The following CACNA1C variants were observed in gnomAD, a reference collection of about 807,000 sequenced individuals.
CACNA1C encodes calcium voltage-gated channel subunit alpha1 C.
Under a neutral mutation model 229.0 loss-of-function variants are expected in CACNA1C, and 30 were observed. The observed-to-expected ratio is 0.13, with a 90% CI of 0.10 to 0.18. The LOEUF (loss-of-function observed/expected upper bound fraction) is 0.18, where lower values mean the gene tolerates loss of function less well. CACNA1C is among the 10% of genes least tolerant of loss of function. The pLI is 1.00. For missense variants in CACNA1C, 1,658 were observed against 2,845.0 expected, an observed-to-expected ratio of 0.58 and a Z score of 9.49; for synonymous variants, 1,114 against 1,132.5, an observed-to-expected ratio of 0.98 and a Z score of 0.33.
At chr12:2,465,184 A>T (rs2099542489) in intron 5 of CACNA1C, among the ~76,000 whole-genome samples, 1 of 152,234 alleles carries the variant, frequency 6.6e-6, no homozygotes, top group Admixed American at 6.5e-5. Flanking sequence ...ATATTATATT[A>T]CATATGTAGA....
At chr12:2,680,422 G>A in intron 42 of CACNA1C, 23 of 1,561,438 alleles carry the variant, frequency 1.5e-5, no homozygotes, top group Non-Finnish European at 2.0e-5. Flanking sequence ...GGCCCCCGCA[G>A]GGCTCCTCCC....
chr12:2,603,231 ACC>A (rs2073656531), intron 22 of CACNA1C: 1 of 152,134 alleles, frequency 6.6e-6, no homozygotes, highest in Non-Finnish European at 1.5e-5. Context: ...TTCCCATCTG[ACC>A]TTTAAATCCC....
intron 7 of CACNA1C, among the ~76,000 whole-genome samples, chr12:2,495,175 A>T (rs1054663984): frequency 2.6e-5 from 4 of 152,266 alleles, no homozygotes; most frequent in Non-Finnish European, 4.4e-5. Context: ...GTAAGACAGA[A>T]GGAATTGAAC....
chr12:2,454,275 C>T (rs1157201187), intron 4 of CACNA1C, among the ~76,000 whole-genome samples: 1 of 152,192 alleles, frequency 6.6e-6, no homozygotes, highest in East Asian at 1.9e-4. Flanking sequence ...TCTGGGGAAC[C>T]TATCTCAGTA....
chr12:2,072,929 G>A (rs1255653480), intron 1 of CACNA1C, among the ~76,000 whole-genome samples: 1 of 152,154 alleles, frequency 6.6e-6, no homozygotes, highest in African/African-American at 2.4e-5. Context: ...TGACAGCCAT[G>A]TATTAAGTGT....
At position 2,654,007 on chromosome 12, in the gene CACNA1C, C is replaced by G. The variant is rs2095271494; in HGVS notation, c.4140+107C>G. On this transcript the variant is annotated intron_variant, in intron 33 of 46. Coordinates refer to ENST00000399655, the MANE Select transcript of CACNA1C (RefSeq NM_000719.7). This position sits in a 1 kb window ranked among gnomAD's most constrained non-coding sequence, Gnocchi z 4.4. ...CCTCCCTCCCTTCTCCCTTTCATTC[C>G]TGACTGTCCCTCTCCCTCCTCTTCC... 1 of 870,078 alleles carries G rather than the reference C, an allele frequency of 1.1e-6. No homozygotes were observed. The highest frequency in any genetic ancestry group is 1.8e-6 in the Non-Finnish European group (1 of 544,784). The allele number at this position is 870,078 out of a possible 1,614,324, so 53.9% of individuals were successfully genotyped here.
intron 3 of CACNA1C, among the ~76,000 whole-genome samples, chr12:2,308,023 G>C (rs2095181923): frequency 6.6e-6 from 1 of 152,206 alleles, no homozygotes. Context: ...CTCCACCCAT[G>C]TGGTTTTGAT....
At chr12:2,452,351 A>G (rs1274109449) in intron 4 of CACNA1C, among the ~76,000 whole-genome samples, 2 of 152,140 alleles carry the variant, frequency 1.3e-5, no homozygotes, top group Non-Finnish European at 2.9e-5. Flanking sequence ...GGACCGTGGA[A>G]TCCTCAGTGG....
chr12:2,124,514 G>T (rs1246881230), intron 3 of CACNA1C, among the ~76,000 whole-genome samples: 4 of 152,228 alleles, frequency 2.6e-5, no homozygotes. Context: ...CAAACTGTTG[G>T]ACTTAACTGC....
rs1230613211 is a variant in CACNA1C, at chr12:2,054,248, C to T, written c.49+637C>T. 2.0e-5 allele frequency among the ~76,000 whole-genome samples: 3 copies of T among 152,134 alleles called. No individual in the cohort carries two copies. The highest frequency in any genetic ancestry group is 1.9e-4 in the East Asian group (1 of 5,178). ...AGGTCCCCTTCTTCCTCTCTCCCTC[C>T]CTCCTCCGCCGCTCACCTACACCCA... On this transcript the variant is annotated intron_variant, in intron 1 of 46. Transcript: ENST00000399655. This position sits in a 1 kb window ranked among gnomAD's most constrained non-coding sequence, Gnocchi z 5.5.
chr12:2,641,507 C>T, intron 30 of CACNA1C: 1 of 579,722 alleles, frequency 1.7e-6, no homozygotes, highest in Non-Finnish European at 3.1e-6. Context: ...CATCTCCCTC[C>T]AGCCCCCCTT....
rs147456842 is a variant in CACNA1C at position 2,261,237 on chromosome 12, A to C, written c.477+140807A>C. Among the ~76,000 whole-genome samples the C allele has an allele frequency of 5.5e-3, 838 of 152,284 alleles. 6 individuals carry two copies. The highest frequency in any genetic ancestry group is 0.018 in the African/African-American group (754 of 41,562). ...ACAGAGCGAGACTCCGTCTCAAAAA[A>C]AAAAACAAAAACAAAAACAAAAAAA... On this transcript the variant is annotated intron_variant, in intron 3 of 46. Coordinates refer to ENST00000399655, the MANE Select transcript of CACNA1C (RefSeq NM_000719.7).
chr12:2,144,658 A>G lies in CACNA1C; in HGVS notation c.477+24228A>G, dbSNP rs955799854. Among the ~76,000 whole-genome samples, 9 of 151,382 alleles carry G rather than the reference A, an allele frequency of 5.9e-5. No individual in the cohort carries two copies. In the East Asian group the frequency reaches 1.5e-3, roughly 26 times the overall value. ...AGTTAATATTTTACGCGTGCTACTG[A>G]AAAAACAAAACCCAAACTAATGATC... is the stretch of plus-strand genomic sequence containing the variant. On this transcript the variant is annotated intron_variant, in intron 3 of 46. Coordinates refer to ENST00000399655, the MANE Select transcript of CACNA1C (RefSeq NM_000719.7).
chr12:2,374,149 C>T (rs149119841), intron 3 of CACNA1C, among the ~76,000 whole-genome samples: 13 of 152,336 alleles, frequency 8.5e-5, no homozygotes, highest in Admixed American at 5.9e-4. Context: ...CCCACGTGCA[C>T]GTTTACTTAC....
At chr12:2,553,316 C>T (rs1486167068) in intron 10 of CACNA1C, among the ~76,000 whole-genome samples, 2 of 152,204 alleles carry the variant, frequency 1.3e-5, no homozygotes, top group Admixed American at 6.5e-5. Context: ...AACCGTAGGT[C>T]CATGTGGTAT....
rs1395549056 is a variant in CACNA1C at position 2,575,339 on chromosome 12, T to C, written c.1896-6251T>C. ...AGACCAAAATACTCTAGAATTCTGC[T>C]TGACTCCTCCTGGCCCAGCCCAGCA... On this transcript the variant is annotated intron_variant, in intron 13 of 46. Coordinates refer to ENST00000399655, the MANE Select transcript of CACNA1C (RefSeq NM_000719.7). The surrounding 1 kb of genome is among the most constrained non-coding windows in gnomAD (Gnocchi z 4.0). Among the ~76,000 whole-genome samples, 1 of 152,188 alleles carries C rather than the reference T, an allele frequency of 6.6e-6. No homozygotes were observed. Among genetic ancestry groups the C allele is most frequent in the Non-Finnish European group, 1.5e-5 (1 of 68,026 alleles).
At chr12:2,031,964 T>C (rs549078008) in intron 1 of CACNA1C, among the ~76,000 whole-genome samples, 4 of 147,298 alleles carry the variant, frequency 2.7e-5, no homozygotes, top group African/African-American at 1.0e-4. Flanking sequence ...TGTGTTGCTC[T>C]TTCTGTGTGA....
intron 3 of CACNA1C, among the ~76,000 whole-genome samples, chr12:2,241,087 G>A (rs1370900583): frequency 6.6e-6 from 1 of 152,096 alleles, no homozygotes; most frequent in African/African-American, 2.4e-5. Flanking sequence ...AGGGGGGTGG[G>A]AAGAGGGCAA....
chr12:2,248,376 G>A (rs1047149379), intron 3 of CACNA1C, among the ~76,000 whole-genome samples: 2 of 152,146 alleles, frequency 1.3e-5, no homozygotes, highest in Non-Finnish European at 2.9e-5. Context: ...CTCTGCACCG[G>A]GCCAAGGACC....
Sources: allele counts gnomAD v4.1 joint callset (sites outside exome capture counted in the v4.1 genomes callset), GRCh38; gene constraint gnomAD v4.1.1; non-coding constraint Gnocchi (gnomAD v3.1); transcripts MANE v1.5; gene names NCBI Gene and HGNC (gene_info 2026-07-23, HGNC 2026-07-21).